CPNE8: variants seen among roughly 807,000 people sequenced by gnomAD.
CPNE8 encodes copine 8, also known as copine-8.
Under a neutral mutation model 81.5 loss-of-function variants are expected in CPNE8, and 45 were observed. That is an observed-to-expected ratio of 0.55 (90% confidence interval 0.44 to 0.71). The LOEUF (loss-of-function observed/expected upper bound fraction) is 0.71, where lower values mean the gene tolerates loss of function less well. Ranked by LOEUF, CPNE8 falls within the 30% of genes least tolerant of loss-of-function variation. CPNE8 has a pLI of 0.00. For synonymous variants in CPNE8, 252 were observed against 226.3 expected, an observed-to-expected ratio of 1.11 and a Z score of -1.02; for missense variants, 594 against 672.1, an observed-to-expected ratio of 0.88 and a Z score of 1.28.
chr12:38,797,539 C>T (rs1287240432), intron 6 of CPNE8, among the ~76,000 whole-genome samples: 1 of 152,192 alleles, frequency 6.6e-6, no homozygotes, highest in Non-Finnish European at 1.5e-5. Flanking sequence ...CACACCAAAA[C>T]CCCATCTGTA....
chr12:38,774,060 A>T (rs1201679011), intron 7 of CPNE8, among the ~76,000 whole-genome samples: 1 of 152,154 alleles, frequency 6.6e-6, no homozygotes, highest in Non-Finnish European at 1.5e-5. Flanking sequence ...AGGGATAAAA[A>T]TACCTAGACC....
intron 19 of CPNE8, among the ~76,000 whole-genome samples, chr12:38,661,004 TTGG>T (rs1938939561): frequency 6.6e-6 from 1 of 152,232 alleles, no homozygotes; most frequent in Admixed American, 6.5e-5. Context: ...TTTTACACTG[TTGG>T]TGGGAGTGTA....
chr12:38,812,508 C>T (rs944141339), intron 6 of CPNE8, among the ~76,000 whole-genome samples: 3 of 152,168 alleles, frequency 2.0e-5, no homozygotes, highest in African/African-American at 4.8e-5. Flanking sequence ...CATCAGATCT[C>T]GTGAAAACTC....
chr12:38,844,019 C>T (rs2137048948), intron 4 of CPNE8, among the ~76,000 whole-genome samples: 1 of 152,232 alleles, frequency 6.6e-6, no homozygotes, highest in East Asian at 1.9e-4. Flanking sequence ...TAAGGGAGCC[C>T]TTAACCAATG....
At chr12:38,798,613 A>T (rs1942567486) in intron 6 of CPNE8, among the ~76,000 whole-genome samples, 1 of 152,186 alleles carries the variant, frequency 6.6e-6, no homozygotes, top group Non-Finnish European at 1.5e-5. Flanking sequence ...TGTAAAGACC[A>T]TCGAGACTAG....
intron 1 of CPNE8, among the ~76,000 whole-genome samples, chr12:38,875,617 A>G (rs1358505012): frequency 6.6e-6 from 1 of 152,136 alleles, no homozygotes; most frequent in East Asian, 1.9e-4. Context: ...ATCCTTTCTT[A>G]TTTCAGGTTC....
chr12:38,874,535 T>C (rs1226076024), intron 1 of CPNE8, 24 bp from the exon 2 acceptor site: 1 of 1,570,268 alleles, frequency 6.4e-7, no homozygotes, highest in East Asian at 2.3e-5. Context: ...CAGAAAATGT[T>C]AGCTGGATAT....
chr12:38,866,872 T>G (rs1457930157), intron 3 of CPNE8, among the ~76,000 whole-genome samples: 7 of 152,190 alleles, frequency 4.6e-5, no homozygotes, highest in Admixed American at 2.0e-4. Flanking sequence ...TTGAACATTT[T>G]TTTTTAAACA....
intron 10 of CPNE8, among the ~76,000 whole-genome samples, chr12:38,741,061 G>A (rs1005195356): frequency 1.3e-5 from 2 of 152,208 alleles, no homozygotes; most frequent in South Asian, 2.1e-4. Context: ...AACATTCCAT[G>A]CTCATGGATA....
chr12:38,673,159 T>G (rs1939215209), intron 18 of CPNE8, among the ~76,000 whole-genome samples: 1 of 152,022 alleles, frequency 6.6e-6, no homozygotes, highest in African/African-American at 2.4e-5. Flanking sequence ...TCTCACATGC[T>G]CTCTCTCTCT....
intron 13 of CPNE8, among the ~76,000 whole-genome samples, chr12:38,704,413 T>A (rs537526805): frequency 6.6e-6 from 1 of 152,240 alleles, no homozygotes; most frequent in Non-Finnish European, 1.5e-5. Flanking sequence ...CAGATATAGA[T>A]AAATACAGAT....
intron 15 of CPNE8, 106 bp downstream of exon 15, chr12:38,693,551 T>A: frequency 1.1e-6 from 1 of 933,982 alleles, no homozygotes; most frequent in African/African-American, 1.7e-5. Flanking sequence ...TAAGCTACAG[T>A]CAGTAAAGCT....
intron 19 of CPNE8, among the ~76,000 whole-genome samples, chr12:38,659,948 C>A (rs1403976565): frequency 4.6e-5 from 7 of 152,112 alleles, no homozygotes; most frequent in African/African-American, 1.7e-4. Flanking sequence ...CAAACCACTG[C>A]TCAATGAAAT....
intron 10 of CPNE8, among the ~76,000 whole-genome samples, chr12:38,738,419 A>G (rs985669542): frequency 6.6e-6 from 1 of 152,162 alleles, no homozygotes; most frequent in African/African-American, 2.4e-5. Flanking sequence ...TCCCAAAAGC[A>G]TTTATCCCAG....
chr12:38,654,163 G>T lies in CPNE8; in HGVS notation c.1507-93C>A. On this transcript the variant is annotated intron_variant, in intron 19 of 19. Transcript: ENST00000331366. The stretch of plus-strand genomic sequence containing the variant: ...AACACATGTACACATTTGGTCATAG[G>T]AAAATCAGGGAATCTGAGAGTAATG... The T allele has an allele frequency of 1.4e-6, 2 of 1,392,912 alleles. 1 individual carries two copies. Among genetic ancestry groups the T allele is most frequent in the South Asian group, 3.4e-5 (2 of 58,418 alleles). 86.3% of individuals were successfully genotyped at this position (1,392,912 alleles called of 1,614,324 possible).
At chr12:38,797,422 G>GAT (rs1022136230) in intron 6 of CPNE8, among the ~76,000 whole-genome samples, 29 of 152,296 alleles carry the variant, frequency 1.9e-4, no homozygotes, top group African/African-American at 6.7e-4. Context: ...CACGGCTGCG[G>GAT]ATACCCAGGC....
chr12:38,672,236 C>T, intron 18 of CPNE8, among the ~76,000 whole-genome samples: 1 of 152,174 alleles, frequency 6.6e-6, no homozygotes, highest in East Asian at 1.9e-4. Flanking sequence ...CCACAGTCTT[C>T]TACAATCCCC....
chr12:38,822,731 C>A (rs1943126306), intron 6 of CPNE8, among the ~76,000 whole-genome samples: 1 of 151,996 alleles, frequency 6.6e-6, no homozygotes, highest in South Asian at 2.1e-4. Context: ...TTTAGCTCTA[C>A]AGCAAATTCT....
intron 5 of CPNE8, among the ~76,000 whole-genome samples, chr12:38,833,510 G>T (rs1304470788): frequency 8.3e-6 from 1 of 119,782 alleles, no homozygotes. Flanking sequence ...CGGGAGTCTT[G>T]CTCTGTTGCC....
Sources: allele counts gnomAD v4.1 joint callset (sites outside exome capture counted in the v4.1 genomes callset), GRCh38; gene constraint gnomAD v4.1.1; transcripts MANE v1.5; gene names NCBI Gene and HGNC (gene_info 2026-07-23, HGNC 2026-07-21).